COL14A1: variants seen among roughly 807,000 people sequenced by gnomAD.
COL14A1 encodes the protein collagen alpha-1(XIV) chain.
In COL14A1, 136 loss-of-function variants were observed where a neutral mutation model predicts 230.3. The ratio of observed to expected loss-of-function variants is 0.59; its 90% CI spans 0.51 to 0.68. The LOEUF (loss-of-function observed/expected upper bound fraction) is 0.68, where lower values mean the gene tolerates loss of function less well. Ranked by LOEUF, COL14A1 falls within the 30% of genes least tolerant of loss-of-function variation. The probability of loss-of-function intolerance (pLI) is 0.00; values close to 1 mark genes in which losing one functional copy is unlikely to be tolerated. For missense variants in COL14A1, 1,976 were observed against 2,215.8 expected (o/e 0.89, Z 2.17); for synonymous variants, 792 against 784.1 (o/e 1.01, Z -0.17).
At chr8:120,351,163 G>A (rs1211601947) in intron 45 of COL14A1, among the ~76,000 whole-genome samples, 8 of 146,490 alleles carry the variant, frequency 5.5e-5, no homozygotes, top group African/African-American at 1.3e-4. Context: ...AATGAAGGCA[G>A]AAATAAAGAT....
intron 15 of COL14A1, among the ~76,000 whole-genome samples, chr8:120,225,679 G>A (rs1818072366): frequency 6.6e-6 from 1 of 151,854 alleles, no homozygotes; most frequent in South Asian, 2.1e-4. Context: ...ATAATAATAA[G>A]TAATATTTTA....
chr8:120,263,072 C>G, intron 24 of COL14A1, 58 bp downstream of exon 24: 1 of 1,481,116 alleles, frequency 6.8e-7, no homozygotes, highest in East Asian at 2.4e-5. Flanking sequence ...GAATTTCAGG[C>G]ATCCTGTTTC....
intron 28 of COL14A1, 62 bp downstream of exon 28, chr8:120,278,640 C>A: frequency 6.7e-7 from 1 of 1,503,610 alleles, no homozygotes; most frequent in Non-Finnish European, 9.1e-7. Context: ...TTTCTAAATA[C>A]AAATTTATAG....
chr8:120,243,433 A>G (rs1465841296), intron 19 of COL14A1, among the ~76,000 whole-genome samples: 1 of 152,054 alleles, frequency 6.6e-6, no homozygotes, highest in Non-Finnish European at 1.5e-5. Context: ...GAAAGAAGAA[A>G]ATGCTGGGGT....
intron 26 of COL14A1, among the ~76,000 whole-genome samples, chr8:120,270,446 A>G (rs930954761): frequency 6.6e-6 from 1 of 151,728 alleles, no homozygotes; most frequent in Non-Finnish European, 1.5e-5. Flanking sequence ...CTAGGGTAGA[A>G]TGTCTCCTTT....
At chr8:120,169,467 G>A (rs1816030241) in intron 5 of COL14A1, among the ~76,000 whole-genome samples, 1 of 151,980 alleles carries the variant, frequency 6.6e-6, no homozygotes, top group African/African-American at 2.4e-5. Context: ...TAGTGAGGTT[G>A]AACATTTTTT....
intron 47 of COL14A1, 96 bp downstream of exon 47, chr8:120,369,581 T>A: frequency 8.1e-7 from 1 of 1,238,918 alleles, no homozygotes; most frequent in South Asian, 2.1e-5. Context: ...AAAAGTTAAA[T>A]TGGTTATGAA....
At chr8:120,303,872 C>T (rs1448407142) in intron 36 of COL14A1, among the ~76,000 whole-genome samples, 1 of 150,624 alleles carries the variant, frequency 6.6e-6, no homozygotes, top group Non-Finnish European at 1.5e-5. Flanking sequence ...TGGCCCTGGG[C>T]TTTTTTTTTG....
At chr8:120,145,836 A>T (rs764397547) in intron 1 of COL14A1, among the ~76,000 whole-genome samples, 2 of 152,222 alleles carry the variant, frequency 1.3e-5, no homozygotes, top group African/African-American at 2.4e-5. Context: ...AAGGGCATTT[A>T]CTGTCATCAG....
At position 120,295,850 on chromosome 8, in the gene COL14A1, T is replaced by G. The variant is rs549387702; in HGVS notation, c.4237-1661T>G. On this transcript the variant is annotated intron_variant, in intron 34 of 47. Coordinates refer to ENST00000297848, the MANE Select transcript of COL14A1 (RefSeq NM_021110.4). The stretch of plus-strand genomic sequence containing the variant: ...CTAAGATGCCAAGACATTAAATAAT[T>G]TGTTCAAAGTAACTCAGTCTGTCAG... 5.9e-5 allele frequency among the ~76,000 whole-genome samples: 9 copies of G among 151,990 alleles called. No individual in the cohort carries two copies. In the South Asian group the frequency reaches 1.9e-3, roughly 32 times the overall value.
chr8:120,261,472 C>G (rs1306225246), intron 23 of COL14A1, among the ~76,000 whole-genome samples: 2 of 152,080 alleles, frequency 1.3e-5, no homozygotes, highest in African/African-American at 2.4e-5. Context: ...AAGCACAGAA[C>G]CTGGATATAA....
intron 44 of COL14A1, among the ~76,000 whole-genome samples, chr8:120,344,189 C>T (rs1278684836): frequency 6.6e-6 from 1 of 152,138 alleles, no homozygotes; most frequent in African/African-American, 2.4e-5. Context: ...GTATGCAACT[C>T]GATAAGCCAG....
At chr8:120,311,062 A>C (rs1656386056) in intron 37 of COL14A1, among the ~76,000 whole-genome samples, 1 of 152,246 alleles carries the variant, frequency 6.6e-6, no homozygotes, top group African/African-American at 2.4e-5. Flanking sequence ...GCAAGGTAGA[A>C]GAAAATATTG....
At chr8:120,230,671 C>A (rs1818239425) in intron 18 of COL14A1, among the ~76,000 whole-genome samples, 1 of 152,124 alleles carries the variant, frequency 6.6e-6, no homozygotes, top group Non-Finnish European at 1.5e-5. Flanking sequence ...CTCTGTGACA[C>A]TTTTACTATT....
At chr8:120,293,280 TTACAGCTTTTA>T (rs1179617459) in intron 34 of COL14A1, among the ~76,000 whole-genome samples, 1 of 151,982 alleles carries the variant, frequency 6.6e-6, no homozygotes. Context: ...AGCCACTGAG[TTACAGCTTTTA>T]TATATAAATC....
Position 120,279,991 on chromosome 8 carries a change from A to G in COL14A1, c.3538A>G (p.Ile1180Val), listed in dbSNP as rs914394244. The change falls in exon 29 of 48, where the codon ATT (isoleucine) becomes GTT (valine). Residue 1180 changes from isoleucine to valine, a missense_variant. Coordinates refer to ENST00000297848, the MANE Select transcript of COL14A1 (RefSeq NM_021110.4). The stretch of plus-strand genomic sequence containing the variant: ...TGCAGATTACTCGGAGTTGGTTAGC[A>G]TTGGCAGTAAGCCCAGCGCACGCCA... ...ADADYSELVSIGSKPSARHVF... is the reference protein window; with the variant it reads ...ADADYSELVSVGSKPSARHVF... The G allele has an allele frequency of 1.2e-6, 2 of 1,613,858 alleles. No individual in the cohort carries two copies. Among genetic ancestry groups the G allele is most frequent in the Admixed American group, 3.3e-5 (2 of 59,942 alleles).
At chr8:120,171,440 T>C (rs1309618506) in intron 5 of COL14A1, among the ~76,000 whole-genome samples, 2 of 152,198 alleles carry the variant, frequency 1.3e-5, no homozygotes, top group African/African-American at 4.8e-5. Flanking sequence ...GGTGGTAAAC[T>C]TATCTTTATT....
At chr8:120,331,481 A>T (rs1821863044) in intron 40 of COL14A1, among the ~76,000 whole-genome samples, 1 of 151,936 alleles carries the variant, frequency 6.6e-6, no homozygotes, top group African/African-American at 2.4e-5. Context: ...TTTAACACTT[A>T]ACATAAAAAT....
At chr8:120,190,463 T>G (rs1237242371) in intron 5 of COL14A1, among the ~76,000 whole-genome samples, 8 of 152,182 alleles carry the variant, frequency 5.3e-5, no homozygotes, top group Non-Finnish European at 1.0e-4. Context: ...GTAGTTTCTT[T>G]TGCTGTGCAG....
Sources: gnomAD v4.1 joint callset for allele counts (sites outside exome capture counted in the v4.1 genomes callset) on GRCh38, gnomAD v4.1.1 for gene constraint, MANE v1.5 for transcripts, NCBI Gene and HGNC (gene_info 2026-07-23, HGNC 2026-07-21) for gene names.